CCDC171: variants seen among roughly 807,000 people sequenced by gnomAD.
The protein encoded by CCDC171 is coiled-coil domain containing 171.
In CCDC171, 177 loss-of-function variants were observed where a neutral mutation model predicts 168.2. That is an observed-to-expected ratio of 1.05 (90% CI 0.93 to 1.19). The LOEUF (loss-of-function observed/expected upper bound fraction) is 1.19, where lower values mean the gene tolerates loss of function less well. Among genes scored for constraint, CCDC171 ranks in the 50% most tolerant of loss-of-function variants. The pLI, the probability that CCDC171 is intolerant of heterozygous loss-of-function variation, is 0.00. For missense variants in CCDC171, 1,991 were observed against 1,539.0 expected, an observed-to-expected ratio of 1.29 and a Z score of -4.91; for synonymous variants, 687 against 540.8, an observed-to-expected ratio of 1.27 and a Z score of -3.75.
At chr9:15,926,556 G>T (rs1425349956) in intron 25 of CCDC171, among the ~76,000 whole-genome samples, 3 of 151,514 alleles carry the variant, frequency 2.0e-5, no homozygotes, top group African/African-American at 7.3e-5. Context: ...TTAACCAGCT[G>T]CCATTTTCCC....
At chr9:15,625,878 G>T (rs895345079) in intron 7 of CCDC171, among the ~76,000 whole-genome samples, 2 of 152,120 alleles carry the variant, frequency 1.3e-5, no homozygotes, top group African/African-American at 4.8e-5. Context: ...GCTTGATGGG[G>T]ATGGCATTGA....
chr9:15,641,723 G>A (rs1254702316), intron 7 of CCDC171, among the ~76,000 whole-genome samples: 1 of 152,056 alleles, frequency 6.6e-6, no homozygotes, highest in Non-Finnish European at 1.5e-5. Flanking sequence ...ATATGATTTA[G>A]TGAGATATAA....
chr9:15,583,749 A>G (rs1466174496), intron 4 of CCDC171, among the ~76,000 whole-genome samples: 1 of 152,172 alleles, frequency 6.6e-6, no homozygotes. Context: ...CTGCAACCGA[A>G]CACCATCTGT....
At chr9:15,975,687 T>C (rs1831599500), downstream of CCDC171, among the ~76,000 whole-genome samples, 1 of 152,134 alleles carries the variant, frequency 6.6e-6, no homozygotes, top group African/African-American at 2.4e-5. Context: ...AATAATGACA[T>C]ATGCCAAATA....
chr9:15,683,718 A>G (rs2050192454), intron 10 of CCDC171, among the ~76,000 whole-genome samples: 1 of 152,110 alleles, frequency 6.6e-6, no homozygotes, highest in African/African-American at 2.4e-5. Flanking sequence ...TTTCTATGCA[A>G]ATTAGTAAAT....
At chr9:16,015,569 C>T (rs796219268) in intron 3 of CCDC171, among the ~76,000 whole-genome samples, 78 of 152,294 alleles carry the variant, frequency 5.1e-4, no homozygotes, top group African/African-American at 1.6e-3. Context: ...GTCTCAAGTG[C>T]CCTTCCTCCT....
chr9:15,963,955 T>C (rs1189458499), intron 25 of CCDC171, among the ~76,000 whole-genome samples: 1 of 152,196 alleles, frequency 6.6e-6, no homozygotes, highest in East Asian at 1.9e-4. Flanking sequence ...GAAGTGTCTG[T>C]AAACGGAAGC....
At chr9:15,847,026 A>G (rs947862564) in intron 22 of CCDC171, among the ~76,000 whole-genome samples, 179 bp downstream of exon 22, 6 of 152,146 alleles carry the variant, frequency 3.9e-5, no homozygotes, top group Non-Finnish European at 8.8e-5. Flanking sequence ...CTAAATGTAT[A>G]TTTTATTGAG....
At chr9:16,049,026 C>A (rs1586860632) in intron 1 of CCDC171, among the ~76,000 whole-genome samples, 1 of 151,406 alleles carries the variant, frequency 6.6e-6, no homozygotes, top group Non-Finnish European at 1.5e-5. Flanking sequence ...AAATTACAAT[C>A]CCTAAAGTCT....
chr9:15,831,068 C>T (rs2060210973), intron 21 of CCDC171, among the ~76,000 whole-genome samples: 1 of 147,620 alleles, frequency 6.8e-6, no homozygotes, highest in African/African-American at 2.5e-5. Context: ...CTCCCAGGTT[C>T]ACACCATTCT....
At chr9:15,860,288 T>G (rs2061505768) in intron 23 of CCDC171, among the ~76,000 whole-genome samples, 2 of 151,856 alleles carry the variant, frequency 1.3e-5, no homozygotes, top group South Asian at 4.1e-4. Flanking sequence ...TCTTTATTAT[T>G]TCCTTCCTTC....
chr9:15,836,836 C>T (rs1171934350), intron 21 of CCDC171, among the ~76,000 whole-genome samples: 1 of 152,178 alleles, frequency 6.6e-6, no homozygotes, highest in African/African-American at 2.4e-5. Context: ...CGTCAAATTT[C>T]GTATCAGTGG....
chr9:15,971,495 C>A, intron 25 of CCDC171, 114 bp from the exon 26 acceptor site: 1 of 622,778 alleles, frequency 1.6e-6, no homozygotes, highest in South Asian at 2.2e-5. Context: ...TAGTAGTTTC[C>A]ATCTCATTTT....
At chr9:16,105,585 C>A in the CCDC171 span, among the ~76,000 whole-genome samples, 24 of 152,202 alleles carry the variant, frequency 1.6e-4, no homozygotes, top group Non-Finnish European at 1.2e-4. Context: ...CATCTAACAG[C>A]AAACCCGTCA....
chr9:15,788,034 A>G (rs1484380658), intron 21 of CCDC171, among the ~76,000 whole-genome samples: 1 of 152,196 alleles, frequency 6.6e-6, no homozygotes, highest in Non-Finnish European at 1.5e-5. Context: ...AGAGCTGTTC[A>G]TGTTAATTTT....
chr9:15,802,078 T>C (rs1285872883), intron 21 of CCDC171, among the ~76,000 whole-genome samples: 3 of 151,924 alleles, frequency 2.0e-5, no homozygotes, highest in South Asian at 2.1e-4. Context: ...CCTGTAGTTT[T>C]CTTTTTTTGA....
At chr9:15,963,975 T>G (rs1051289234) in intron 25 of CCDC171, among the ~76,000 whole-genome samples, 1 of 152,204 alleles carries the variant, frequency 6.6e-6, no homozygotes, top group African/African-American at 2.4e-5. Flanking sequence ...CAGTGCCTCC[T>G]TCTTTGCTCC....
chr9:15,680,515 A>C (rs911007802), intron 10 of CCDC171, among the ~76,000 whole-genome samples: 1 of 152,196 alleles, frequency 6.6e-6, no homozygotes, highest in African/African-American at 2.4e-5. Flanking sequence ...GATATAGTTA[A>C]AACTCTTCAG....
At chr9:15,826,639 C>T (rs1015238469) in intron 21 of CCDC171, among the ~76,000 whole-genome samples, 2 of 152,192 alleles carry the variant, frequency 1.3e-5, no homozygotes, top group African/African-American at 4.8e-5. Context: ...GCTAACAGCT[C>T]AGCTAGGGTC....
Sources: gnomAD v4.1 joint callset for allele counts (sites outside exome capture counted in the v4.1 genomes callset) on GRCh38, gnomAD v4.1.1 for gene constraint, MANE v1.5 for transcripts, NCBI Gene and HGNC (gene_info 2026-07-23, HGNC 2026-07-21) for gene names.